MACROD1: variants seen among roughly 807,000 people sequenced by gnomAD.
The protein encoded by MACROD1 is ADP-ribose glycohydrolase MACROD1.
Under a neutral mutation model 41.4 loss-of-function variants are expected in MACROD1, and 31 were observed. The observed-to-expected ratio is 0.75, with a 90% CI of 0.56 to 1.01. MACROD1 has a LOEUF of 1.01. Among genes scored for constraint, MACROD1 ranks in the 50% least tolerant of loss-of-function variants. The pLI is 0.00. For synonymous variants in MACROD1, 252 were observed against 203.4 expected, an observed-to-expected ratio of 1.24 and a Z score of -2.03; for missense variants, 473 against 460.0, an observed-to-expected ratio of 1.03 and a Z score of -0.26.
rs181889549 is a variant in MACROD1, at chr11:64,065,709, G to C, written c.518-50428C>G. Among the ~76,000 whole-genome samples, 761 of 150,324 alleles carry C rather than the reference G, an allele frequency of 5.1e-3. 9 individuals carry two copies. Among genetic ancestry groups the C allele is most frequent in the African/African-American group, 0.018 (734 of 40,730 alleles). On this transcript the variant is annotated intron_variant, in intron 3 of 10. Transcript: ENST00000255681. ...GGAGGCTGAGGCAGGAGAACGGTGTGAACCCGGGAGGCGGAGCTTGCAGTG... is the reference window on the plus strand; with the variant it reads ...GGAGGCTGAGGCAGGAGAACGGTGTCAACCCGGGAGGCGGAGCTTGCAGTG...
In MACROD1 at chr11:63,998,995, C is replaced by T. The variant is rs1409491756; in HGVS notation, c.933G>A (p.Glu311=). ...GGGGGAGCCGGCTCCGGTAGATGTCCTCGTCCTTCTCGAGGAACACGCAGA... is the reference window on the plus strand; with the variant it reads ...GGGGGAGCCGGCTCCGGTAGATGTCTTCGTCCTTCTCGAGGAACACGCAGA... ...LIICVFLEKD[E]DIYRSRLPHY... The change falls in exon 9 of 11, where the codon GAG becomes GAA. Residue 311 remains glutamate, a synonymous_variant. Coordinates refer to ENST00000255681, the MANE Select transcript of MACROD1 (RefSeq NM_014067.4). 6.2e-7 allele frequency: 1 copy of T among 1,608,946 alleles called. No homozygotes were observed. The highest frequency in any genetic ancestry group is 8.5e-7 in the Non-Finnish European group (1 of 1,178,366).
chr11:64,053,147 G>C (rs776902687), intron 3 of MACROD1, among the ~76,000 whole-genome samples: 1 of 152,206 alleles, frequency 6.6e-6, no homozygotes, highest in African/African-American at 2.4e-5. Flanking sequence ...AGGCTCATGC[G>C]GGCCCCAGAC....
At chr11:64,094,591 G>A (rs770303140) in intron 3 of MACROD1, among the ~76,000 whole-genome samples, 8 of 152,166 alleles carry the variant, frequency 5.3e-5, no homozygotes, top group Non-Finnish European at 1.2e-4. Flanking sequence ...CTGCCTAACC[G>A]CAGGCTGACT....
At chr11:64,150,307 C>A (rs982875184) in intron 3 of MACROD1, among the ~76,000 whole-genome samples, 1 of 152,220 alleles carries the variant, frequency 6.6e-6, no homozygotes, top group Admixed American at 6.5e-5. Context: ...CAGGCACGAC[C>A]GCTACAAGCG....
At chr11:64,094,409 C>T (rs963988247) in intron 3 of MACROD1, among the ~76,000 whole-genome samples, 6 of 148,840 alleles carry the variant, frequency 4.0e-5, no homozygotes, top group South Asian at 2.2e-4. Flanking sequence ...CCAGCCTGGG[C>T]GACAGAGTGA....
At chr11:64,021,968 GCA>G (rs1565197712) in intron 3 of MACROD1, among the ~76,000 whole-genome samples, 17 of 81,360 alleles carry the variant, frequency 2.1e-4, no homozygotes, top group East Asian at 1.0e-3. Context: ...GTGGCGGCGG[GCA>G]GTGGATCTGG....
At chr11:64,081,357 C>T (rs1944300322) in intron 3 of MACROD1, among the ~76,000 whole-genome samples, 1 of 152,188 alleles carries the variant, frequency 6.6e-6, no homozygotes, top group Non-Finnish European at 1.5e-5. Flanking sequence ...ACCATGAACT[C>T]GCATATCCTG....
chr11:64,161,320 C>G (rs1945752166), intron 1 of MACROD1, among the ~76,000 whole-genome samples: 1 of 152,092 alleles, frequency 6.6e-6, no homozygotes. Context: ...TAAAAGGGGC[C>G]AGACTTCAAG....
At chr11:64,054,929 TG>T (rs1267296293) in intron 3 of MACROD1, among the ~76,000 whole-genome samples, 1 of 152,188 alleles carries the variant, frequency 6.6e-6, no homozygotes, top group Non-Finnish European at 1.5e-5. Flanking sequence ...CTTTCTCCCC[TG>T]CTCTTCACCG....
At chr11:64,024,202 C>T (rs993507257) in intron 3 of MACROD1, among the ~76,000 whole-genome samples, 19 of 152,246 alleles carry the variant, frequency 1.2e-4, no homozygotes, top group African/African-American at 4.1e-4. Context: ...GGCGCAGACT[C>T]GGCTCGCCCC....
chr11:64,056,007 C>T (rs1943779066), intron 3 of MACROD1, among the ~76,000 whole-genome samples: 1 of 152,210 alleles, frequency 6.6e-6, no homozygotes, highest in South Asian at 2.1e-4. Flanking sequence ...GGCCTCAGGC[C>T]TCCTGTCCAC....
At chr11:64,073,307 T>G (rs1332561114) in intron 3 of MACROD1, among the ~76,000 whole-genome samples, 1 of 152,200 alleles carries the variant, frequency 6.6e-6, no homozygotes, top group Non-Finnish European at 1.5e-5. Context: ...ACCAGTGTCC[T>G]GTGCCCCCAG....
At chr11:64,007,278 C>T (rs1247152680) in intron 4 of MACROD1, among the ~76,000 whole-genome samples, 2 of 152,136 alleles carry the variant, frequency 1.3e-5, no homozygotes, top group South Asian at 4.1e-4. Flanking sequence ...GGACACGCGG[C>T]TCTAAGTTGT....
chr11:64,005,785 A>AG (rs1470682243), intron 4 of MACROD1, among the ~76,000 whole-genome samples: 1 of 152,232 alleles, frequency 6.6e-6, no homozygotes, highest in Non-Finnish European at 1.5e-5. Flanking sequence ...CTGCACTGCC[A>AG]GGGTGGAGAT....
intron 1 of MACROD1, among the ~76,000 whole-genome samples, 170 bp from the exon 2 acceptor site, chr11:64,152,563 A>G (rs956569473): frequency 1.3e-5 from 2 of 152,198 alleles, no homozygotes; most frequent in Non-Finnish European, 2.9e-5. Context: ...GGCCCCTAGA[A>G]TATCTTGTCC....
intron 3 of MACROD1, among the ~76,000 whole-genome samples, chr11:64,055,697 AGATGGATGGATGGATGGAT>A (rs1943772464): frequency 1.3e-5 from 2 of 152,158 alleles, no homozygotes; most frequent in Non-Finnish European, 2.9e-5. Flanking sequence ...ATGGGTGGAC[AGATGGATGGATGGATGGAT>A]GATGGGCCAT....
intron 3 of MACROD1, among the ~76,000 whole-genome samples, chr11:64,066,098 A>G (rs980394025): frequency 1.3e-5 from 2 of 151,972 alleles, no homozygotes; most frequent in African/African-American, 4.8e-5. Flanking sequence ...GGAGCTCAAG[A>G]GCAGCTTGGC....
At chr11:64,143,743 G>GACACACACACACACACAC (rs1355483787) in intron 3 of MACROD1, among the ~76,000 whole-genome samples, 3 of 71,480 alleles carry the variant, frequency 4.2e-5, no homozygotes, top group African/African-American at 1.8e-4. Context: ...CCCCAACCCC[G>GACACACACACACACACAC]ACACACACAT....
At chr11:64,022,284 G>A (rs1943168088) in intron 3 of MACROD1, among the ~76,000 whole-genome samples, 2 of 152,086 alleles carry the variant, frequency 1.3e-5, no homozygotes, top group Non-Finnish European at 2.9e-5. Context: ...CTGCCTCCGG[G>A]ATGCCTCTCA....
Sources: gnomAD v4.1 joint callset for allele counts (sites outside exome capture counted in the v4.1 genomes callset) on GRCh38, gnomAD v4.1.1 for gene constraint, MANE v1.5 for transcripts, NCBI Gene and HGNC (gene_info 2026-07-23, HGNC 2026-07-21) for gene names.